The following F13A1 variants were observed in gnomAD, a reference collection of about 807,000 sequenced individuals.
F13A1 encodes coagulation factor XIII A chain, also known as FSF, A subunit.
In F13A1, 47 loss-of-function variants were observed where a neutral mutation model predicts 80.1. The observed-to-expected ratio is 0.59, with a 90% CI of 0.46 to 0.75. F13A1 has a LOEUF of 0.75. F13A1 is among the 30% of genes least tolerant of loss of function. The probability of loss-of-function intolerance (pLI) is 0.00; values close to 1 mark genes in which losing one functional copy is unlikely to be tolerated. For missense variants in F13A1, 817 were observed against 930.4 expected, an observed-to-expected ratio of 0.88 and a Z score of 1.59; for synonymous variants, 349 against 344.9, an observed-to-expected ratio of 1.01 and a Z score of -0.13.
At chr6:6,292,185 C>T (rs1033426117) in intron 3 of F13A1, among the ~76,000 whole-genome samples, 2 of 152,210 alleles carry the variant, frequency 1.3e-5, no homozygotes, top group Admixed American at 1.3e-4. Context: ...CATACAGCAC[C>T]TCTGCACAGC....
At chr6:6,264,492 CCTT>C (rs1227932028) in intron 4 of F13A1, among the ~76,000 whole-genome samples, 10 of 152,148 alleles carry the variant, frequency 6.6e-5, no homozygotes, top group East Asian at 3.8e-4. Flanking sequence ...TTTGCTGACT[CCTT>C]CTCTACTGGA....
At chr6:6,228,731 CAAA>C (rs35068752) in intron 6 of F13A1, among the ~76,000 whole-genome samples, 23 of 72,666 alleles carry the variant, frequency 3.2e-4, no homozygotes, top group African/African-American at 3.0e-4. Context: ...GATCCTGTCT[CAAA>C]AAAAAAAAAA....
intron 2 of F13A1, among the ~76,000 whole-genome samples, chr6:6,314,463 T>C (rs1172332666): frequency 1.3e-5 from 2 of 152,164 alleles, no homozygotes; most frequent in Non-Finnish European, 2.9e-5. Flanking sequence ...TCACTTGCAA[T>C]ATACTGTTCC....
chr6:6,289,853 CT>C (rs1435125548), intron 3 of F13A1, among the ~76,000 whole-genome samples: 5 of 151,952 alleles, frequency 3.3e-5, no homozygotes, highest in Admixed American at 1.3e-4. Flanking sequence ...TTCCATTCCC[CT>C]GGGTCAATTT....
intron 3 of F13A1, among the ~76,000 whole-genome samples, chr6:6,289,870 C>T (rs1219755890): frequency 2.0e-5 from 3 of 150,616 alleles, no homozygotes; most frequent in African/African-American, 7.4e-5. Context: ...AATTTCTATT[C>T]GTTTTTTGAG....
intron 14 of F13A1, among the ~76,000 whole-genome samples, chr6:6,149,334 G>A (rs1427223055): frequency 6.6e-6 from 1 of 152,116 alleles, no homozygotes; most frequent in East Asian, 1.9e-4. Context: ...ACATAAATAT[G>A]TAGAATTACA....
At chr6:6,296,049 T>C (rs1285296792) in intron 3 of F13A1, among the ~76,000 whole-genome samples, 1 of 145,418 alleles carries the variant, frequency 6.9e-6, no homozygotes, top group Non-Finnish European at 1.5e-5. Context: ...AAAGATCAGA[T>C]AGTTGTAGAT....
At chr6:6,212,232 A>G (rs1477642603) in intron 8 of F13A1, among the ~76,000 whole-genome samples, 1 of 152,248 alleles carries the variant, frequency 6.6e-6, no homozygotes, top group Non-Finnish European at 1.5e-5. Context: ...GGCAGGGCAC[A>G]GACAAACAAA....
At chr6:6,217,959 T>C (rs1477877759) in intron 8 of F13A1, among the ~76,000 whole-genome samples, 1 of 152,182 alleles carries the variant, frequency 6.6e-6, no homozygotes, top group Non-Finnish European at 1.5e-5. Flanking sequence ...TATTCAGTGC[T>C]TGCTCTATGC....
At chr6:6,227,263 A>G (rs1583082089) in intron 6 of F13A1, among the ~76,000 whole-genome samples, 1 of 152,220 alleles carries the variant, frequency 6.6e-6, no homozygotes, top group Non-Finnish European at 1.5e-5. Flanking sequence ...AATTTGGTTT[A>G]GACATGCTAT....
At chr6:6,272,501 TCTC>T (rs901518392) in intron 3 of F13A1, among the ~76,000 whole-genome samples, 36 of 152,244 alleles carry the variant, frequency 2.4e-4, no homozygotes, top group African/African-American at 7.7e-4. Context: ...CTCCCACTTC[TCTC>T]CTCTTTTGGG....
intron 8 of F13A1, among the ~76,000 whole-genome samples, chr6:6,220,567 C>CTGTGTG (rs4053227): frequency 2.0e-5 from 3 of 149,762 alleles, no homozygotes; most frequent in South Asian, 2.1e-4. Context: ...GTGTGTCTGT[C>CTGTGTG]TGTGTGTGTG....
chr6:6,203,256 A>G (rs1307052048), intron 8 of F13A1, among the ~76,000 whole-genome samples: 2 of 152,244 alleles, frequency 1.3e-5, no homozygotes, highest in Non-Finnish European at 2.9e-5. Context: ...ATAATTTTGT[A>G]TAATTTTCTC....
intron 3 of F13A1, among the ~76,000 whole-genome samples, chr6:6,288,502 C>T (rs1401573636): frequency 6.6e-6 from 1 of 152,162 alleles, no homozygotes; most frequent in Non-Finnish European, 1.5e-5. Context: ...GCAGAATTTT[C>T]CTTCTTCTAA....
At chr6:6,195,662 T>C in intron 10 of F13A1, 135 bp downstream of exon 10, 2 of 771,598 alleles carry the variant, frequency 2.6e-6, no homozygotes, top group Non-Finnish European at 4.6e-6. Context: ...GTTGGAATAA[T>C]GCCTAGTTAC....
At chr6:6,196,666 T>TGGA (rs1761297029) in intron 9 of F13A1, among the ~76,000 whole-genome samples, 1 of 152,186 alleles carries the variant, frequency 6.6e-6, no homozygotes, top group African/African-American at 2.4e-5. Flanking sequence ...TAAAGAGAGA[T>TGGA]GGAGGCTTAT....
In F13A1 at chr6:6,200,982, A is replaced by G. The variant is rs111930800; in HGVS notation, c.1113-3656T>C. On this transcript the variant is annotated intron_variant, in intron 8 of 14. Transcript: ENST00000264870. ...CCAGAGCAGTGAAGGTTGCCCCATC[A>G]GGCAGAAGGACCCAGGGAAAAACAG... Among the ~76,000 whole-genome samples the G allele has an allele frequency of 6.5e-3, 987 of 152,296 alleles. 15 individuals are homozygous for G. The highest frequency in any genetic ancestry group is 0.022 in the African/African-American group (909 of 41,564).
intron 10 of F13A1, among the ~76,000 whole-genome samples, chr6:6,183,634 G>A (rs1056696854): frequency 5.9e-5 from 9 of 152,278 alleles, no homozygotes; most frequent in South Asian, 4.1e-4. Context: ...AATACAGTGC[G>A]ATAAGTACCA....
rs757892043 is a variant in F13A1 at position 6,318,660 on chromosome 6, G to A, written c.5C>T (p.Ser2Leu). 1 of 1,591,914 alleles carries A rather than the reference G, an allele frequency of 6.3e-7. No homozygotes were observed. The highest frequency in any genetic ancestry group is 8.5e-7 in the Non-Finnish European group (1 of 1,171,732). ...TCCAAAGGCGGTCCTGGAAGTTTCT[G>A]ACATTTTTGACTTTACAAGGTCCTT... MSETSRTAFGGR... is the reference protein window; with the variant it reads MLETSRTAFGGR... The change falls in exon 2 of 15, where the codon TCA becomes TTA. Residue 2 changes from serine (S) to leucine (L), a missense_variant. By Grantham distance (145) the Ser-to-Leu change is moderately radical. Coordinates refer to ENST00000264870, the MANE Select transcript of F13A1 (RefSeq NM_000129.4).
Sources: allele counts gnomAD v4.1 joint callset (sites outside exome capture counted in the v4.1 genomes callset), GRCh38; gene constraint gnomAD v4.1.1; transcripts MANE v1.5; gene names NCBI Gene and HGNC (gene_info 2026-07-23, HGNC 2026-07-21).